HSPA12A: variants seen among roughly 807,000 people sequenced by gnomAD.
HSPA12A encodes the protein heat shock 70 kDa protein 12A.
In HSPA12A, 28 loss-of-function variants were observed where a neutral mutation model predicts 69.2. The observed-to-expected ratio is 0.40, with a 90% CI of 0.30 to 0.55. HSPA12A has a LOEUF of 0.55. Among genes scored for constraint, HSPA12A ranks in the 20% least tolerant of loss-of-function variants. The pLI is 0.38. For synonymous variants in HSPA12A, 345 were observed against 370.5 expected (o/e 0.93, Z 0.79); for missense variants, 686 against 900.7 (o/e 0.76, Z 3.05).
chr10:116,674,552 A>C lies in HSPA12A; in HGVS notation c.*229T>G. ...ACCTATGAAAACTAGCTGCTCCTCC[A>C]GGATCCTTTAATTTTCTATGCCTAA... On this transcript the variant is annotated 3_prime_UTR_variant, in exon 12 of 12. Coordinates refer to ENST00000369209, the MANE Select transcript of HSPA12A (RefSeq NM_025015.3). 3.6e-6 allele frequency: 2 copies of C among 558,376 alleles called. No homozygotes were observed. 34.6% of individuals were successfully genotyped at this position (558,376 alleles called of 1,614,324 possible). A position where few individuals can be genotyped will look rare whatever the true frequency, so the allele number is the denominator to read the frequency against.
At chr10:116,712,243 G>A (rs576572786) in intron 1 of HSPA12A, among the ~76,000 whole-genome samples, 3 of 152,198 alleles carry the variant, frequency 2.0e-5, no homozygotes, top group South Asian at 2.1e-4. Flanking sequence ...GGTGATGAGG[G>A]TGGTTATAGA....
chr10:116,753,143 C>G (rs1554888492), intron 2 of HSPA12A, among the ~76,000 whole-genome samples: 1 of 152,214 alleles, frequency 6.6e-6, no homozygotes, highest in African/African-American at 2.4e-5. Flanking sequence ...CAAAGATGCC[C>G]TGTTGTTTCA....
At chr10:116,704,927 C>T (rs1444256982) in intron 3 of HSPA12A, among the ~76,000 whole-genome samples, 7 of 152,216 alleles carry the variant, frequency 4.6e-5, no homozygotes, top group Non-Finnish European at 8.8e-5. Flanking sequence ...CAGGCCCCTC[C>T]CCAGACCAAC....
intron 2 of HSPA12A, among the ~76,000 whole-genome samples, chr10:116,784,861 C>T (rs1253146056): frequency 6.6e-6 from 1 of 152,144 alleles, no homozygotes; most frequent in South Asian, 2.1e-4. Flanking sequence ...ACGCTAACCT[C>T]GGAGCTGTCA....
intron 1 of HSPA12A, among the ~76,000 whole-genome samples, chr10:116,719,706 T>C (rs1850715857): frequency 6.6e-6 from 1 of 152,218 alleles, no homozygotes; most frequent in African/African-American, 2.4e-5. Context: ...TCTTAACAAG[T>C]GTACCTATTA....
chr10:116,770,370 G>A (rs569233804), intron 2 of HSPA12A, among the ~76,000 whole-genome samples: 8 of 152,216 alleles, frequency 5.3e-5, no homozygotes, highest in South Asian at 2.1e-4. Flanking sequence ...GGGAGGTCCC[G>A]CAGAGGCCAC....
chr10:116,687,026 G>A (rs930257250), intron 6 of HSPA12A, among the ~76,000 whole-genome samples: 1 of 152,184 alleles, frequency 6.6e-6, no homozygotes, highest in South Asian at 2.1e-4. Flanking sequence ...AAGAGCCCTG[G>A]GTAAAATTCT....
At chr10:116,846,375 A>C (rs1238745883) in intron 1 of HSPA12A, among the ~76,000 whole-genome samples, 2 of 147,114 alleles carry the variant, frequency 1.4e-5, no homozygotes, top group African/African-American at 5.1e-5. Flanking sequence ...TTTGATGCAG[A>C]GTCTCGCTCT....
At chr10:116,829,908 A>C (rs1845580859) in intron 2 of HSPA12A, 1 of 151,822 alleles carries the variant, frequency 6.6e-6, no homozygotes, top group African/African-American at 2.4e-5. Context: ...GGCCGTTGTC[A>C]GTGTTGGGTC....
intron 7 of HSPA12A, among the ~76,000 whole-genome samples, chr10:116,683,232 C>T (rs1283964730): frequency 6.6e-6 from 1 of 152,068 alleles, no homozygotes; most frequent in Non-Finnish European, 1.5e-5. Context: ...GACCTACTTG[C>T]ATTCAGGTAA....
chr10:116,764,290 G>A (rs1844032136), intron 2 of HSPA12A, among the ~76,000 whole-genome samples: 2 of 152,112 alleles, frequency 1.3e-5, no homozygotes, highest in South Asian at 2.1e-4. Context: ...GGTTATTATC[G>A]TAGGCTGAAT....
At chr10:116,728,905 C>G (rs7096380) in intron 1 of HSPA12A, among the ~76,000 whole-genome samples, 45,784 of 152,090 alleles carry the variant, frequency 0.3, 7,312 homozygotes, top group African/African-American at 0.38. Flanking sequence ...ATCCTCAAAC[C>G]ACCCCCTCCA....
At chr10:116,682,867 A>ATTTTTTTTT (rs60393392) in intron 7 of HSPA12A, among the ~76,000 whole-genome samples, 3 of 117,688 alleles carry the variant, frequency 2.5e-5, no homozygotes, top group South Asian at 2.9e-4. Flanking sequence ...CGCCCGGCTA[A>ATTTTTTTTT]TTTTTTTTTT....
chr10:116,826,026 A>T (rs1845498260), intron 2 of HSPA12A, among the ~76,000 whole-genome samples: 1 of 152,182 alleles, frequency 6.6e-6, no homozygotes, highest in Non-Finnish European at 1.5e-5. Flanking sequence ...AAGGGCTGTC[A>T]CATGGAAAGG....
intron 1 of HSPA12A, among the ~76,000 whole-genome samples, chr10:116,842,123 T>A (rs1845811796): frequency 6.6e-6 from 1 of 152,226 alleles, no homozygotes. Flanking sequence ...AAGTACGTTT[T>A]CAAGGAAGTT....
chr10:116,694,399 T>C (rs1554880479), intron 5 of HSPA12A, among the ~76,000 whole-genome samples: 1 of 152,184 alleles, frequency 6.6e-6, no homozygotes, highest in Non-Finnish European at 1.5e-5. Flanking sequence ...CTGGAATTTA[T>C]TCACGGCATA....
chr10:116,849,364 A>G (rs1331524210), intron 1 of HSPA12A: 1 of 611,066 alleles, frequency 1.6e-6, no homozygotes. Context: ...CCCGGACCTA[A>G]TGCCGCAGGG....
chr10:116,747,934 G>T (rs918598015), intron 2 of HSPA12A, among the ~76,000 whole-genome samples: 3 of 152,262 alleles, frequency 2.0e-5, no homozygotes, highest in South Asian at 4.2e-4. Context: ...GGGAAGTGGA[G>T]GTTGTAGTAA....
rs1428378166 is a variant in HSPA12A at position 116,849,728 on chromosome 10, C to A, written c.-160G>T. ...TCCAGCCTGCCGACGTCTACGGGCACCTGGTAGGGACCTGGGACAAGCGCT... is the reference window on the plus strand; with the variant it reads ...TCCAGCCTGCCGACGTCTACGGGCAACTGGTAGGGACCTGGGACAAGCGCT... On this transcript the variant is annotated 5_prime_UTR_variant, in exon 1 of 13. Coordinates refer to the HSPA12A transcript ENST00000635765. 111 of 1,520,884 alleles carry A rather than the reference C, an allele frequency of 7.3e-5. No individual in the cohort carries two copies. The highest frequency in any genetic ancestry group is 9.6e-5 in the Non-Finnish European group (109 of 1,132,106). 94.2% of individuals were successfully genotyped at this position (1,520,884 alleles called of 1,614,324 possible).
Sources: gnomAD v4.1 joint callset for allele counts (sites outside exome capture counted in the v4.1 genomes callset) on GRCh38, gnomAD v4.1.1 for gene constraint, MANE v1.5 for transcripts, NCBI Gene and HGNC (gene_info 2026-07-23, HGNC 2026-07-21) for gene names.